Variants in TNS1 observed in about 807,000 individuals in gnomAD.
TNS1 encodes tensin-1.
TNS1 carries 62 observed loss-of-function variants against 168.6 expected under a neutral mutation model. That is an observed-to-expected ratio of 0.37 (90% CI 0.30 to 0.45). The LOEUF is 0.45. Among genes scored for constraint, TNS1 ranks in the 20% least tolerant of loss-of-function variants. The probability of loss-of-function intolerance (pLI) is 1.00; values close to 1 mark genes in which losing one functional copy is unlikely to be tolerated. For missense variants in TNS1, 2,240 were observed against 2,339.4 expected, an observed-to-expected ratio of 0.96 and a Z score of 0.88; for synonymous variants, 934 against 933.2, an observed-to-expected ratio of 1.00 and a Z score of -0.02.
intron 3 of TNS1, among the ~76,000 whole-genome samples, chr2:217,928,889 CAGGGG>C (rs1956172221): frequency 6.6e-6 from 1 of 152,210 alleles, no homozygotes; most frequent in Non-Finnish European, 1.5e-5. Flanking sequence ...GCTCTCCAGA[CAGGGG>C]AGTTCCTCTT....
chr2:217,810,483 G>T (rs1439438483), intron 28 of TNS1, among the ~76,000 whole-genome samples, 164 bp from the exon 29 acceptor site: 1 of 152,226 alleles, frequency 6.6e-6, no homozygotes, highest in Admixed American at 6.5e-5. Flanking sequence ...AACGTTTGAT[G>T]ATTGCTCTAA....
At chr2:217,918,440 C>G (rs1389175816) in intron 4 of TNS1, among the ~76,000 whole-genome samples, 1 of 152,204 alleles carries the variant, frequency 6.6e-6, no homozygotes, top group African/African-American at 2.4e-5. Flanking sequence ...CCAGCCTCCT[C>G]GAAGGGCAGA....
intron 3 of TNS1, among the ~76,000 whole-genome samples, chr2:217,939,827 G>A (rs1322858131): frequency 1.3e-5 from 2 of 152,202 alleles, no homozygotes; most frequent in African/African-American, 2.4e-5. Context: ...TCCCACATGG[G>A]CTCCAGCTCC....
Position 217,804,342 on chromosome 2 carries a change from C to A in TNS1, c.*117G>T. On this transcript the variant is annotated 3_prime_UTR_variant, in exon 33 of 33. Coordinates refer to ENST00000682258, the MANE Select transcript of TNS1 (RefSeq NM_001387777.1). ...CCCTCTCCCCACGTTGCACTTTCTT[C>A]TCTCCTCCGAAATTGGCCCAAAGTC... is the stretch of plus-strand genomic sequence containing the variant. 2 of 1,349,150 alleles carry A rather than the reference C, an allele frequency of 1.5e-6. No individual in the cohort carries two copies. The highest frequency in any genetic ancestry group is 2.8e-5 in the South Asian group (2 of 72,228). 83.6% of individuals were successfully genotyped at this position (1,349,150 alleles called of 1,614,324 possible).
At chr2:217,908,586 G>A (rs2888522) in intron 4 of TNS1, among the ~76,000 whole-genome samples, 1 of 152,180 alleles carries the variant, frequency 6.6e-6, no homozygotes, top group Admixed American at 6.5e-5. Context: ...AAAAGGTTCC[G>A]GCGTCAGGGA....
intron 18 of TNS1, among the ~76,000 whole-genome samples, chr2:217,852,251 C>A (rs1248111839): frequency 6.6e-6 from 1 of 152,172 alleles, no homozygotes; most frequent in Non-Finnish European, 1.5e-5. Flanking sequence ...GAGGATGGGG[C>A]CCCTTGGACA....
At chr2:217,903,897 G>A (rs1953331780) in intron 6 of TNS1, 1 of 446,398 alleles carries the variant, frequency 2.2e-6, no homozygotes, top group Non-Finnish European at 3.9e-6. Flanking sequence ...CCTTGGGTGG[G>A]GTTGGTTTGA....
chr2:217,818,835 C>A, intron 23 of TNS1, 76 bp from the exon 24 acceptor site: 1 of 1,224,760 alleles, frequency 8.2e-7, no homozygotes, highest in Non-Finnish European at 1.1e-6. Flanking sequence ...GCTGTCTGCC[C>A]TCCCTCCAAC....
chr2:218,030,061 G>A (rs1003513432), intron 1 of TNS1, among the ~76,000 whole-genome samples: 2 of 151,968 alleles, frequency 1.3e-5, no homozygotes, highest in Admixed American at 1.3e-4. Flanking sequence ...CTCCCTGGCT[G>A]ACCGTCTCTA....
chr2:217,818,196 T>A lies in TNS1; in HGVS notation c.4136A>T (p.His1379Leu), dbSNP rs775616526. The A allele has an allele frequency of 6.2e-7, 1 of 1,613,574 alleles. No homozygotes were observed. The highest frequency in any genetic ancestry group is 1.7e-5 in the Admixed American group (1 of 60,002). Reference protein sequence around the residue: ...TTPGSPSLGRHPGAHQGNLAS... With the variant: ...TTPGSPSLGRLPGAHQGNLAS... ...CAGGTTGCCTTGGTGAGCCCCAGGG[T>A]GCCGGCCCAGGCTGGGACTCCCCGG... The change falls in exon 24 of 33, where the codon CAC becomes CTC. Residue 1379 changes from histidine to leucine, a missense_variant. By Grantham distance (99) the His-to-Leu change is moderately conservative. Transcript: ENST00000682258.
chr2:217,930,611 C>A (rs928649318), intron 3 of TNS1, among the ~76,000 whole-genome samples: 9 of 152,110 alleles, frequency 5.9e-5, no homozygotes, highest in Non-Finnish European at 1.0e-4. Flanking sequence ...GAGAGTCCAG[C>A]CTGGAAGAGG....
Position 217,817,723 on chromosome 2 carries a change from T to C in TNS1, c.4609A>G (p.Thr1537Ala). ...GAGTACTTGGAGAAGTCGGGCAGAG[T>C]GTGGGAGAAGGAGACGGTGCTGCCC... ...SGGSTVSFSH[T>A]LPDFSKYSMP... Residue 1537 changes from threonine (T) to alanine (A), a missense_variant, in exon 24 of 33, where the codon ACT (threonine) becomes GCT (alanine). Physicochemically the swap from Thr to Ala is moderately conservative, Grantham distance 58. Coordinates refer to ENST00000682258, the MANE Select transcript of TNS1 (RefSeq NM_001387777.1). The C allele has an allele frequency of 6.2e-7, 1 of 1,605,010 alleles. No homozygotes were observed. Among genetic ancestry groups the C allele is most frequent in the Non-Finnish European group, 8.5e-7 (1 of 1,173,298 alleles).
At chr2:217,902,219 G>A (rs989456122) in intron 6 of TNS1, among the ~76,000 whole-genome samples, 3 of 152,146 alleles carry the variant, frequency 2.0e-5, no homozygotes, top group African/African-American at 7.2e-5. Flanking sequence ...CCATTTCACT[G>A]GTCCCTAATG....
At chr2:218,015,945 C>G (rs1213380742) in intron 1 of TNS1, among the ~76,000 whole-genome samples, 1 of 152,120 alleles carries the variant, frequency 6.6e-6, no homozygotes, top group Non-Finnish European at 1.5e-5. Context: ...TGAGCCCAGG[C>G]TCCCACAATG....
intron 6 of TNS1, chr2:217,903,647 G>A: frequency 6.6e-7 from 1 of 1,509,166 alleles, no homozygotes; most frequent in Non-Finnish European, 8.9e-7. Context: ...ACCATGAAAG[G>A]AAATTCGACA....
intron 19 of TNS1, among the ~76,000 whole-genome samples, chr2:217,840,305 G>T (rs1047823032): frequency 1.3e-5 from 2 of 152,226 alleles, no homozygotes; most frequent in African/African-American, 4.8e-5. Context: ...AGGGCTCAAC[G>T]CCTAAGGGCC....
upstream of TNS1, chr2:218,010,523 C>A: frequency 4.7e-6 from 1 of 212,002 alleles, no homozygotes. Context: ...TGACAGCCTC[C>A]GCCTCCTGCT....
chr2:217,984,002 TG>T (rs1958125717), intron 2 of TNS1, among the ~76,000 whole-genome samples: 1 of 152,202 alleles, frequency 6.6e-6, no homozygotes, highest in Non-Finnish European at 1.5e-5. Flanking sequence ...ATAATTTAGG[TG>T]GGCCTCATCC....
intron 18 of TNS1, among the ~76,000 whole-genome samples, chr2:217,851,682 C>T (rs1947519727): frequency 6.6e-6 from 1 of 152,210 alleles, no homozygotes; most frequent in Non-Finnish European, 1.5e-5. Flanking sequence ...CTCCACCAAC[C>T]TGGCCCTGTG....
Sources: gnomAD v4.1 joint callset for allele counts (sites outside exome capture counted in the v4.1 genomes callset) on GRCh38, gnomAD v4.1.1 for gene constraint, MANE v1.5 for transcripts, NCBI Gene and HGNC (gene_info 2026-07-23, HGNC 2026-07-21) for gene names.